The following GOLGA4 variants were observed in gnomAD, a reference collection of about 807,000 sequenced individuals.
The protein encoded by GOLGA4 is golgin subfamily A member 4.
GOLGA4 carries 169 observed loss-of-function variants against 265.9 expected under a neutral mutation model. That is an observed-to-expected ratio of 0.64 (90% CI 0.56 to 0.72). The LOEUF is 0.72. Among genes scored for constraint, GOLGA4 ranks in the 30% least tolerant of loss-of-function variants. GOLGA4 has a pLI of 0.00. For synonymous variants in GOLGA4, 923 were observed against 855.8 expected (o/e 1.08, Z -1.37); for missense variants, 2,482 against 2,483.4 (o/e 1.00, Z 0.01).
At chr3:37,256,002 G>A (rs188328022) in intron 2 of GOLGA4, among the ~76,000 whole-genome samples, 32 of 152,152 alleles carry the variant, frequency 2.1e-4, no homozygotes, top group Non-Finnish European at 3.2e-4. Flanking sequence ...TGTAGTCCCA[G>A]CTACTCAGGA....
At chr3:37,281,665 C>T (rs748674959) in intron 2 of GOLGA4, among the ~76,000 whole-genome samples, 1 of 152,274 alleles carries the variant, frequency 6.6e-6, no homozygotes, top group South Asian at 2.1e-4. Context: ...TGGGAAAGTA[C>T]TGTGTTTTTC....
At chr3:37,283,665 A>G (rs965924106) in intron 3 of GOLGA4, among the ~76,000 whole-genome samples, 1 of 152,248 alleles carries the variant, frequency 6.6e-6, no homozygotes, top group Non-Finnish European at 1.5e-5. Flanking sequence ...AGCTGGGACT[A>G]CAGGCGCACA....
At chr3:37,244,633 C>T (rs1029537772) in intron 1 of GOLGA4, among the ~76,000 whole-genome samples, 2 of 152,150 alleles carry the variant, frequency 1.3e-5, no homozygotes, top group African/African-American at 4.8e-5. Flanking sequence ...TTTTGACTAA[C>T]TTGGAGGCAT....
At chr3:37,253,097 A>G (rs1176820871) in intron 2 of GOLGA4, among the ~76,000 whole-genome samples, 1 of 150,836 alleles carries the variant, frequency 6.6e-6, no homozygotes, top group South Asian at 2.1e-4. Flanking sequence ...AAAATAAAAT[A>G]AAATAAAATT....
intron 2 of GOLGA4, among the ~76,000 whole-genome samples, chr3:37,257,244 A>C (rs754372922): frequency 1.3e-5 from 2 of 152,110 alleles, no homozygotes; most frequent in Non-Finnish European, 2.9e-5. Flanking sequence ...TGTAGCATGT[A>C]TCTACTTTCT....
chr3:37,317,304 G>GGCT (rs1178532426), intron 11 of GOLGA4, among the ~76,000 whole-genome samples: 1 of 151,968 alleles, frequency 6.6e-6, no homozygotes, highest in African/African-American at 2.4e-5. Context: ...TGAGTAGCTG[G>GGCT]GATTACAGGC....
chr3:37,298,833 T>G lies in GOLGA4; in HGVS notation c.815T>G (p.Val272Gly), dbSNP rs1228850324. The change falls in exon 8 of 24, where the codon GTG (valine) becomes GGG (glycine). Residue 272 changes from valine (V) to glycine (G), a missense_variant and splice_region_variant. Physicochemically the swap from Val to Gly is moderately radical, Grantham distance 109. Transcript: ENST00000361924. ...ENPESDGEPVVEDGTSVKTLE... is the reference protein window; with the variant it reads ...ENPESDGEPVGEDGTSVKTLE... ...CCTTCTTATGTTGCTTTATTGTTAG[T>G]GGAAGATGGAACTTCTGTAAAAACA... is the stretch of plus-strand genomic sequence containing the variant. 6.2e-7 allele frequency: 1 copy of G among 1,600,268 alleles called. No individual in the cohort carries two copies. The highest frequency in any genetic ancestry group is 8.5e-7 in the Non-Finnish European group (1 of 1,174,970).
chr3:37,286,006 T>TTA lies in GOLGA4; in HGVS notation c.478-8_478-7insTA. 1 of 1,525,476 alleles carries TTA rather than the reference T, an allele frequency of 6.6e-7. No individual in the cohort carries two copies. Among genetic ancestry groups the TTA allele is most frequent in the Admixed American group, 1.8e-5 (1 of 54,594 alleles). The allele number at this position is 1,525,476 out of a possible 1,614,324, so 94.5% of individuals were successfully genotyped here. On this transcript the variant is annotated splice_polypyrimidine_tract_variant and splice_region_variant and intron_variant, in intron 3 of 23. Transcript: ENST00000361924. Reference sequence around the variant, plus strand: ...GAATGACTAATGTTGTTGATGACTATATTTTAGCTTGTTACAGCTTATCAG... The same window carrying TTA: ...GAATGACTAATGTTGTTGATGACTATTAATTTTAGCTTGTTACAGCTTATCAG...
intron 23 of GOLGA4, among the ~76,000 whole-genome samples, chr3:37,365,589 A>T (rs1696687283): frequency 6.6e-6 from 1 of 152,032 alleles, no homozygotes; most frequent in African/African-American, 2.4e-5. Flanking sequence ...ATTCCAGTCC[A>T]ATATTTGTGA....
intron 20 of GOLGA4, among the ~76,000 whole-genome samples, chr3:37,345,068 G>A (rs2097051763): frequency 6.6e-6 from 1 of 152,066 alleles, no homozygotes; most frequent in African/African-American, 2.4e-5. Flanking sequence ...ACGTTAGCTA[G>A]GCATGGTGAC....
intron 10 of GOLGA4, among the ~76,000 whole-genome samples, chr3:37,312,052 A>C (rs1294693518): frequency 6.6e-6 from 1 of 152,212 alleles, no homozygotes; most frequent in African/African-American, 2.4e-5. Context: ...AAAGGTTTTC[A>C]TTTAAACTCT....
chr3:37,321,581 G>C lies in GOLGA4; in HGVS notation c.1546-150G>C, dbSNP rs7624938. On this transcript the variant is annotated intron_variant, in intron 12 of 23. Transcript: ENST00000361924. ...AAAGCCATAGTGCCTTGTTTCTGCA[G>C]ACTAGAGCATGGGAGGAGAGAGATG... is the stretch of plus-strand genomic sequence containing the variant. 21,552 of 661,446 alleles carry C rather than the reference G, an allele frequency of 0.033. 451 individuals carry two copies. The highest frequency in any genetic ancestry group is 0.055 in the African/African-American group (2,993 of 54,096). The allele number at this position is 661,446 out of a possible 1,614,324, so 41.0% of individuals were successfully genotyped here.
chr3:37,351,300 C>T (rs2097073653), intron 21 of GOLGA4, among the ~76,000 whole-genome samples: 1 of 152,188 alleles, frequency 6.6e-6, no homozygotes, highest in African/African-American at 2.4e-5. Flanking sequence ...GTCATGTCTT[C>T]AGGCTCTGCT....
At chr3:37,267,087 A>G (rs1433493403) in intron 2 of GOLGA4, 2 of 306,400 alleles carry the variant, frequency 6.5e-6, no homozygotes, top group African/African-American at 4.4e-5. Flanking sequence ...TAAAAAAATC[A>G]GAGAGTAAAT....
In GOLGA4 at chr3:37,338,446, T is replaced by A. The variant is rs182171136; in HGVS notation, c.6396+712T>A. On this transcript the variant is annotated intron_variant, in intron 19 of 23. Transcript: ENST00000361924. ...AATTTCATAAAGATAGGTCCCAATG[T>A]GACTTTATTTTTTTGTTTCACTAGT... Among the ~76,000 whole-genome samples, 368 of 152,358 alleles carry A rather than the reference T, an allele frequency of 2.4e-3. 2 individuals are homozygous for A. The highest frequency in any genetic ancestry group is 8.5e-3 in the African/African-American group (354 of 41,594).
intron 10 of GOLGA4, among the ~76,000 whole-genome samples, chr3:37,306,296 A>G (rs188317105): frequency 2.0e-5 from 3 of 152,312 alleles, no homozygotes; most frequent in Admixed American, 6.5e-5. Flanking sequence ...CGCTTCTGTA[A>G]TTGTTGATAG....
At chr3:37,251,342 A>T in intron 1 of GOLGA4, 53 bp from the exon 2 acceptor site, 2 of 1,089,580 alleles carry the variant, frequency 1.8e-6, no homozygotes, top group Non-Finnish European at 2.8e-6. Flanking sequence ...CCTAGTTCAT[A>T]GTTCACTAGT....
chr3:37,296,034 A>T (rs1485152446), intron 6 of GOLGA4, 53 bp from the exon 7 acceptor site: 2 of 1,514,076 alleles, frequency 1.3e-6, no homozygotes, highest in Admixed American at 1.7e-5. Context: ...GGACAATTGT[A>T]CTACTCCCAT....
intron 3 of GOLGA4, among the ~76,000 whole-genome samples, chr3:37,282,984 C>T (rs2096838845): frequency 6.6e-6 from 1 of 152,090 alleles, no homozygotes; most frequent in Non-Finnish European, 1.5e-5. Flanking sequence ...AGTAAGTTGT[C>T]CATATTTTTT....
Sources: allele counts gnomAD v4.1 joint callset (sites outside exome capture counted in the v4.1 genomes callset), GRCh38; gene constraint gnomAD v4.1.1; transcripts MANE v1.5; gene names NCBI Gene and HGNC (gene_info 2026-07-23, HGNC 2026-07-21).